SLC30A3: variants seen among roughly 807,000 people sequenced by gnomAD.
SLC30A3 encodes solute carrier family 30 member 3, also known as probable proton-coupled zinc antiporter SLC30A3.
Under a neutral mutation model 35.6 loss-of-function variants are expected in SLC30A3, and 20 were observed. The ratio of observed to expected loss-of-function variants is 0.56; its 90% confidence interval spans 0.39 to 0.82. SLC30A3 has a LOEUF of 0.82. Ranked by LOEUF, SLC30A3 falls within the 40% of genes least tolerant of loss-of-function variation. The pLI is 0.00. For missense variants in SLC30A3, 401 were observed against 530.6 expected (o/e 0.76, Z 2.40); for synonymous variants, 217 against 224.7 (o/e 0.97, Z 0.31).
rs565504343 is a variant in SLC30A3, at chr2:27,258,554, T to C, written c.277+199A>G. 54 of 674,230 alleles carry C rather than the reference T, an allele frequency of 8.0e-5. No individual in the cohort carries two copies. The highest frequency in any genetic ancestry group is 1.2e-4 in the Non-Finnish European group (51 of 409,486). 41.8% of individuals were successfully genotyped at this position (674,230 alleles called of 1,614,324 possible). On this transcript the variant is annotated intron_variant, in intron 2 of 7. Transcript: ENST00000233535. This position sits in a 1 kb window ranked among gnomAD's most constrained non-coding sequence, Gnocchi z 4.0. ...TTAAAAGAAGTCAGCCCTGACCTAC[T>C]GGCCCCGGACCTCGGCTGGAATTCC...
rs778275630 is a variant in SLC30A3 at position 27,262,881 on chromosome 2, C to T, written c.26G>A (p.Gly9Asp). The T allele has an allele frequency of 3.9e-6, 6 of 1,557,080 alleles. No individual in the cohort carries two copies. The highest frequency in any genetic ancestry group is 2.6e-5 in the East Asian group (1 of 38,904). Reference sequence around the variant, plus strand: ...GCTCACCAGGCGAGTGGTCTCCAAGCCCCCAGCGGCTGGAGAGGGCTCCAT... The same window carrying T: ...GCTCACCAGGCGAGTGGTCTCCAAGTCCCCAGCGGCTGGAGAGGGCTCCAT... MEPSPAAG[G>D]LETTRLVSPR... The change falls in exon 1 of 8, where the codon GGC (glycine) becomes GAC (aspartate). Residue 9 changes from glycine (G) to aspartate (D), a missense_variant. Physicochemically the swap from Gly to Asp is moderately conservative, Grantham distance 94. This residue lies in a region of SLC30A3 where 103 missense variants were observed against 120.7 expected (regional missense o/e 0.85). Coordinates refer to ENST00000233535, the MANE Select transcript of SLC30A3 (RefSeq NM_003459.5). The surrounding 1 kb of genome is among the most constrained non-coding windows in gnomAD (Gnocchi z 7.5).
chr2:27,258,708 G>C lies in SLC30A3; in HGVS notation c.277+45C>G, dbSNP rs768070501. 1.3e-6 allele frequency: 2 copies of C among 1,597,048 alleles called. No homozygotes were observed. The highest frequency in any genetic ancestry group is 1.7e-6 in the Non-Finnish European group (2 of 1,165,526). Reference sequence around the variant, plus strand: ...GGACTCTGGGTGGAGAGTGGCTTGGGCAGGTATTTGGAGAATGGGGTTTAA... The same window carrying C: ...GGACTCTGGGTGGAGAGTGGCTTGGCCAGGTATTTGGAGAATGGGGTTTAA... On this transcript the variant is annotated intron_variant, in intron 2 of 7. Coordinates refer to ENST00000233535, the MANE Select transcript of SLC30A3 (RefSeq NM_003459.5). This position sits in a 1 kb window ranked among gnomAD's most constrained non-coding sequence, Gnocchi z 4.0.
intron 1 of SLC30A3, among the ~76,000 whole-genome samples, chr2:27,261,562 C>G (rs1404381263): frequency 6.6e-6 from 1 of 152,138 alleles, no homozygotes; most frequent in African/African-American, 2.4e-5. Context: ...AGGCTGCTCC[C>G]TTTTGTTCTG....
upstream of SLC30A3, among the ~76,000 whole-genome samples, chr2:27,265,027 T>C (rs116213593): frequency 5.8e-3 from 878 of 152,340 alleles, 8 homozygotes; most frequent in African/African-American, 0.02. This position sits in a 1 kb window ranked among gnomAD's most constrained non-coding sequence, Gnocchi z 5.9. Context: ...TGGCCCGTAG[T>C]GACCCTGGCG....
upstream of SLC30A3, among the ~76,000 whole-genome samples, chr2:27,266,829 A>G (rs1429405189): frequency 6.6e-6 from 1 of 152,188 alleles, no homozygotes; most frequent in Non-Finnish European, 1.5e-5. Context: ...TTCGGGAGGC[A>G]GAGGTTGCAG....
Position 27,258,287 on chromosome 2 carries a change from G to A in SLC30A3, c.298C>T (p.Leu100=), listed in dbSNP as rs1322863455. The A allele has an allele frequency of 1.3e-6, 2 of 1,524,374 alleles. No individual in the cohort carries two copies. Among genetic ancestry groups the A allele is most frequent in the Admixed American group, 2.2e-5 (1 of 46,384 alleles). 94.4% of individuals were successfully genotyped at this position (1,524,374 alleles called of 1,614,324 possible). Residue 100 remains leucine (L), a synonymous_variant, in exon 3 of 8, where the codon CTG becomes TTG. Coordinates refer to ENST00000233535, the MANE Select transcript of SLC30A3 (RefSeq NM_003459.5). This position sits in a 1 kb window ranked among gnomAD's most constrained non-coding sequence, Gnocchi z 4.0. ...TGGGCTGCATCGGTCATGATGGCCA[G>A]GCTGTGTGCCAGATACCCGCCTGCC... ...EVVGGYLAHS[L]AIMTDAAHLL...
At chr2:27,274,710 C>T (rs1429545787) in intron 1 of SLC30A3, among the ~76,000 whole-genome samples, 1 of 151,784 alleles carries the variant, frequency 6.6e-6, no homozygotes, top group South Asian at 2.1e-4. Flanking sequence ...AAAATCATTT[C>T]GACCCAATAA....
At chr2:27,264,052 T>C, upstream of SLC30A3, 2 of 1,288,596 alleles carry the variant, frequency 1.6e-6, no homozygotes, top group African/African-American at 1.5e-5. The surrounding 1 kb of genome is among the most constrained non-coding windows in gnomAD (Gnocchi z 6.1). Context: ...CTTCAAATGC[T>C]CAATGTTCTC....
chr2:27,265,895 G>A (rs1244156813), upstream of SLC30A3, among the ~76,000 whole-genome samples: 1 of 152,120 alleles, frequency 6.6e-6, no homozygotes, highest in African/African-American at 2.4e-5. The surrounding 1 kb of genome is among the most constrained non-coding windows in gnomAD (Gnocchi z 5.9). Context: ...GGAGCTAGTT[G>A]AGTGGAAGCA....
intron 1 of SLC30A3, among the ~76,000 whole-genome samples, chr2:27,273,658 AT>A (rs1359642976): frequency 6.6e-6 from 1 of 152,106 alleles, no homozygotes; most frequent in Non-Finnish European, 1.5e-5. Flanking sequence ...AAAGGTCTTC[AT>A]CCCCTCTCCC....
chr2:27,273,684 G>A (rs572102780), intron 1 of SLC30A3, among the ~76,000 whole-genome samples: 4 of 152,262 alleles, frequency 2.6e-5, no homozygotes, highest in Non-Finnish European at 5.9e-5. Flanking sequence ...CTGACCACAG[G>A]CCTACAGAAA....
Position 27,257,320 on chromosome 2 carries a change from G to A in SLC30A3, c.611C>T (p.Pro204Leu). 6.2e-7 allele frequency: 1 copy of A among 1,613,470 alleles called. No homozygotes were observed. Among genetic ancestry groups the A allele is most frequent in the Non-Finnish European group, 8.5e-7 (1 of 1,179,762 alleles). The change falls in exon 5 of 8, where the codon CCC (proline) becomes CTC (leucine). Residue 204 changes from proline (P) to leucine (L), a missense_variant. Around this residue, in one of 3 missense-constraint regions of SLC30A3, gnomAD observed 296 missense variants for 392.6 expected, o/e 0.75. Coordinates refer to ENST00000233535, the MANE Select transcript of SLC30A3 (RefSeq NM_003459.5). This position sits in a 1 kb window ranked among gnomAD's most constrained non-coding sequence, Gnocchi z 4.7. ...MAFVLHQAGP[P>L]HSHGSRGAEY... ...TGCTCCCCTAGACCCGTGGCTGTGGGGGGGCCCAGCCTGGTGCAGCACAAA... is the reference window on the plus strand; with the variant it reads ...TGCTCCCCTAGACCCGTGGCTGTGGAGGGGCCCAGCCTGGTGCAGCACAAA...
chr2:27,272,253 T>A (rs1445685044), intron 1 of SLC30A3, among the ~76,000 whole-genome samples: 1 of 152,200 alleles, frequency 6.6e-6, no homozygotes, highest in African/African-American at 2.4e-5. Context: ...TAGGACCATA[T>A]GAGGGAAGAT....
Position 27,255,733 on chromosome 2 carries a change from C to T in SLC30A3, c.1019-273G>A. The T allele has an allele frequency of 1.1e-5, 5 of 436,602 alleles. No homozygotes were observed. The South Asian group carries it at 1.3e-4, about 12-fold the overall frequency. 27.0% of individuals were successfully genotyped at this position (436,602 alleles called of 1,614,324 possible). On this transcript the variant is annotated intron_variant, in intron 7 of 7. Transcript: ENST00000233535. This position sits in a 1 kb window ranked among gnomAD's most constrained non-coding sequence, Gnocchi z 5.2. ...ACATACAGCTCAACATTTCAGCAGC[C>T]ATACCACCCGATTTCCCAGGACAAT...
intron 1 of SLC30A3, among the ~76,000 whole-genome samples, chr2:27,273,960 G>A (rs1677856990): frequency 6.6e-6 from 1 of 152,228 alleles, no homozygotes; most frequent in Non-Finnish European, 1.5e-5. Flanking sequence ...TTTTTGGTGA[G>A]TGACCTTCGA....
rs1165342398 is a variant in SLC30A3 at position 27,257,917 on chromosome 2, C to A, written c.566G>T (p.Cys189Phe). The A allele has an allele frequency of 1.2e-6, 2 of 1,613,832 alleles. No individual in the cohort carries two copies. Among genetic ancestry groups the A allele is most frequent in the African/African-American group, 2.7e-5 (2 of 74,924 alleles). The part of the protein sequence containing the change: ...AMLLTASIAV[C>F]ANLLMAFVLH... Reference sequence around the variant, plus strand: ...TACTGGGACGTACAACAGGTTGGCACAGACTGCGATGCTGGCGGTCAGCAG... The same window carrying A: ...TACTGGGACGTACAACAGGTTGGCAAAGACTGCGATGCTGGCGGTCAGCAG... Residue 189 changes from cysteine (C) to phenylalanine (F), a missense_variant, in exon 4 of 8, where the codon TGT becomes TTT. Around this residue, in one of 3 missense-constraint regions of SLC30A3, gnomAD observed 296 missense variants for 392.6 expected, o/e 0.75. Coordinates refer to ENST00000233535, the MANE Select transcript of SLC30A3 (RefSeq NM_003459.5). This position sits in a 1 kb window ranked among gnomAD's most constrained non-coding sequence, Gnocchi z 4.7.
chr2:27,268,081 CT>C (rs895052628), intron 1 of SLC30A3, among the ~76,000 whole-genome samples: 1 of 152,246 alleles, frequency 6.6e-6, no homozygotes, highest in African/African-American at 2.4e-5. Context: ...CTGTCTGCCC[CT>C]CTTGCCAGAA....
At chr2:27,260,323 G>A (rs1471236446) in intron 1 of SLC30A3, among the ~76,000 whole-genome samples, 2 of 152,178 alleles carry the variant, frequency 1.3e-5, no homozygotes, top group Non-Finnish European at 2.9e-5. Context: ...GGCAGTGGGA[G>A]GAGCATGTTA....
At chr2:27,274,866 G>C (rs1572499672) in intron 1 of SLC30A3, among the ~76,000 whole-genome samples, 1 of 152,182 alleles carries the variant, frequency 6.6e-6, no homozygotes, top group East Asian at 1.9e-4. Flanking sequence ...ACATGCTCAT[G>C]ATGGCATCAT....
Sources: allele counts gnomAD v4.1 joint callset (sites outside exome capture counted in the v4.1 genomes callset), GRCh38; gene constraint gnomAD v4.1.1; regional missense constraint gnomAD v4.1.1; non-coding constraint Gnocchi (gnomAD v3.1); transcripts MANE v1.5; gene names NCBI Gene and HGNC (gene_info 2026-07-23, HGNC 2026-07-21).